Variants in B3GALT1 observed in about 807,000 individuals in gnomAD.
B3GALT1 encodes the protein UDP-Gal:betaGlcNAc beta 1,3-galactosyltransferase, polypeptide 1.
A neutral mutation model predicts 23.2 loss-of-function variants in B3GALT1; 10 were observed. That is an observed-to-expected ratio of 0.43 (90% CI 0.27 to 0.73). B3GALT1 has a LOEUF of 0.73. B3GALT1 is among the 30% of genes least tolerant of loss of function. The probability of loss-of-function intolerance (pLI) is 0.21; values close to 1 mark genes in which losing one functional copy is unlikely to be tolerated. For synonymous variants in B3GALT1, 156 were observed against 141.5 expected, an observed-to-expected ratio of 1.10 and a Z score of -0.73; for missense variants, 299 against 405.4, an observed-to-expected ratio of 0.74 and a Z score of 2.25.
chr2:167,496,093 A>G (rs1387074602), intron 2 of B3GALT1, among the ~76,000 whole-genome samples: 1 of 152,056 alleles, frequency 6.6e-6, no homozygotes, highest in Non-Finnish European at 1.5e-5. Context: ...TTTTTAGTAC[A>G]AATGTTGTTT....
At position 167,565,361 on chromosome 2, in the gene B3GALT1, A is replaced by T. The variant is rs186860806; in HGVS notation, c.-410+75084A>T. 1.8e-3 allele frequency among the ~76,000 whole-genome samples: 277 copies of T among 152,350 alleles called. 1 individual carries two copies. The highest frequency in any genetic ancestry group is 3.2e-3 in the Non-Finnish European group (217 of 68,036). On this transcript the variant is annotated intron_variant, in intron 2 of 4. Coordinates refer to ENST00000392690, the MANE Select transcript of B3GALT1 (RefSeq NM_020981.4). ...CACCTTATGCAAAAATCAATTCAAGATGGATTAAAGACTTAAACGTCAGAC... is the reference window on the plus strand; with the variant it reads ...CACCTTATGCAAAAATCAATTCAAGTTGGATTAAAGACTTAAACGTCAGAC...
At chr2:167,673,186 T>C (rs553251284) in intron 3 of B3GALT1, among the ~76,000 whole-genome samples, 2 of 152,192 alleles carry the variant, frequency 1.3e-5, no homozygotes, top group East Asian at 3.9e-4. Context: ...ATCTCAAAGA[T>C]GGCTTTGTGC....
intron 1 of B3GALT1, among the ~76,000 whole-genome samples, chr2:167,332,747 A>G (rs574543448): frequency 6.6e-5 from 10 of 152,356 alleles, no homozygotes; most frequent in Admixed American, 3.9e-4. Flanking sequence ...TTTTTGCCAC[A>G]TAGACAGCCC....
intron 2 of B3GALT1, among the ~76,000 whole-genome samples, chr2:167,585,801 C>G (rs1431896): frequency 0.18 from 26,645 of 151,914 alleles, 2,400 homozygotes; most frequent in Non-Finnish European, 0.18. Context: ...AGATAATTTT[C>G]GGAATAATAC....
At position 167,619,279 on chromosome 2, in the gene B3GALT1, T is replaced by C. The variant is rs535038986; in HGVS notation, c.-409-27630T>C. On this transcript the variant is annotated intron_variant, in intron 2 of 4. Transcript: ENST00000392690. ...CCTGTCCCCTCCCCATTGAATGCCC[T>C]CTTAGCACTTTTACTTTACTCTCTA... Among the ~76,000 whole-genome samples the C allele has an allele frequency of 9.9e-5, 15 of 152,104 alleles. No homozygotes were observed. The East Asian group carries it at 2.9e-3, about 29-fold the overall frequency.
chr2:167,790,122 C>CT (rs1251201239), intron 3 of B3GALT1, among the ~76,000 whole-genome samples: 2 of 152,166 alleles, frequency 1.3e-5, no homozygotes, highest in Non-Finnish European at 2.9e-5. Flanking sequence ...ACTGCTGCAC[C>CT]TTGATGGCAC....
chr2:167,583,573 C>T (rs531411403), intron 2 of B3GALT1, among the ~76,000 whole-genome samples: 2 of 152,250 alleles, frequency 1.3e-5, no homozygotes, highest in South Asian at 4.1e-4. Flanking sequence ...ATCAGTATCT[C>T]AGACTAATAT....
intron 3 of B3GALT1, among the ~76,000 whole-genome samples, chr2:167,670,981 A>T (rs1384651331): frequency 2.6e-5 from 4 of 152,178 alleles, no homozygotes; most frequent in Non-Finnish European, 5.9e-5. Flanking sequence ...GCTGAAAGTG[A>T]AGGGATGGAA....
At chr2:167,563,228 G>A (rs1255461709) in intron 2 of B3GALT1, among the ~76,000 whole-genome samples, 3 of 142,542 alleles carry the variant, frequency 2.1e-5, no homozygotes, top group East Asian at 2.1e-4. Context: ...AGGTGCAGCC[G>A]GGCAGAGGCG....
intron 2 of B3GALT1, among the ~76,000 whole-genome samples, chr2:167,495,535 G>T (rs1287802499): frequency 1.3e-5 from 2 of 152,054 alleles, no homozygotes; most frequent in Non-Finnish European, 2.9e-5. Flanking sequence ...GTTTCTCCAT[G>T]TTGGTCAGGC....
intron 3 of B3GALT1, among the ~76,000 whole-genome samples, chr2:167,702,783 AGGGAT>A (rs1228443515): frequency 6.6e-6 from 1 of 152,232 alleles, no homozygotes; most frequent in African/African-American, 2.4e-5. Flanking sequence ...GTCAAAAATA[AGGGAT>A]TCTTTCTCCC....
At chr2:167,664,142 G>C (rs1291780743) in intron 3 of B3GALT1, among the ~76,000 whole-genome samples, 1 of 150,088 alleles carries the variant, frequency 6.7e-6, no homozygotes, top group Non-Finnish European at 1.5e-5. Context: ...TTTTGTATAA[G>C]GTGTAAGGAA....
chr2:167,634,943 A>G (rs188288703), intron 2 of B3GALT1, among the ~76,000 whole-genome samples: 4 of 152,282 alleles, frequency 2.6e-5, no homozygotes, highest in Admixed American at 6.5e-5. Flanking sequence ...CAATGCAAAA[A>G]TCCTGTATAA....
chr2:167,758,077 A>G (rs73971246), intron 3 of B3GALT1, among the ~76,000 whole-genome samples: 3,589 of 152,288 alleles, frequency 0.024, 152 homozygotes, highest in East Asian at 0.12. Context: ...CAATGGGAGT[A>G]GCATTATAAT....
chr2:167,479,171 C>T (rs548321003), intron 1 of B3GALT1, among the ~76,000 whole-genome samples: 2 of 152,126 alleles, frequency 1.3e-5, no homozygotes, highest in Non-Finnish European at 2.9e-5. Flanking sequence ...AACCAAAATT[C>T]CCCACTGTGT....
At chr2:167,415,872 A>G (rs1376822606) in intron 1 of B3GALT1, among the ~76,000 whole-genome samples, 1 of 152,160 alleles carries the variant, frequency 6.6e-6, no homozygotes, top group Non-Finnish European at 1.5e-5. Context: ...ATGAATTAGG[A>G]TATCTGATGG....
intron 2 of B3GALT1, among the ~76,000 whole-genome samples, chr2:167,540,194 G>A (rs1241608237): frequency 6.6e-6 from 1 of 152,000 alleles, no homozygotes; most frequent in African/African-American, 2.4e-5. Flanking sequence ...GCTAGTCCAG[G>A]GGTTACCAAG....
intron 1 of B3GALT1, among the ~76,000 whole-genome samples, chr2:167,321,528 A>G (rs922485194): frequency 2.6e-5 from 4 of 152,078 alleles, no homozygotes; most frequent in Non-Finnish European, 4.4e-5. Flanking sequence ...ACCAGAGAAC[A>G]GAGGATCTCC....
chr2:167,423,484 A>G (rs1574072830), intron 1 of B3GALT1, among the ~76,000 whole-genome samples: 2 of 152,322 alleles, frequency 1.3e-5, no homozygotes, highest in African/African-American at 4.8e-5. Flanking sequence ...CCAGTTACCA[A>G]TACCAAACGT....
Sources: gnomAD v4.1 joint callset for allele counts (sites outside exome capture counted in the v4.1 genomes callset) on GRCh38, gnomAD v4.1.1 for gene constraint, MANE v1.5 for transcripts, NCBI Gene and HGNC (gene_info 2026-07-23, HGNC 2026-07-21) for gene names.